The following ERC1 variants were observed in gnomAD, a reference collection of about 807,000 sequenced individuals.
ERC1 encodes the protein ELKS/RAB6-interacting/CAST family member 1.
A neutral mutation model predicts 132.0 loss-of-function variants in ERC1; 56 were observed. The observed-to-expected ratio is 0.42, with a 90% CI of 0.34 to 0.53. The LOEUF is 0.53. Ranked by LOEUF, ERC1 falls within the 20% of genes least tolerant of loss-of-function variation. ERC1 has a pLI of 0.03. For synonymous variants in ERC1, 478 were observed against 476.1 expected (o/e 1.00, Z -0.05); for missense variants, 1,202 against 1,349.9 (o/e 0.89, Z 1.72).
At chr12:1,327,150 A>G (rs1460091249) in intron 15 of ERC1, among the ~76,000 whole-genome samples, 1 of 152,052 alleles carries the variant, frequency 6.6e-6, no homozygotes, top group African/African-American at 2.4e-5. Flanking sequence ...CCTAATTTAC[A>G]AATTACCAAA....
rs1445172838 is a variant in ERC1, at chr12:1,293,490, G to A, written c.2780+3478G>A. ...CAACAACAACAACAATTAGCCAGGCGTGGTGGCGTGCGCCTGTAATCCCAG... is the reference window on the plus strand; with the variant it reads ...CAACAACAACAACAATTAGCCAGGCATGGTGGCGTGCGCCTGTAATCCCAG... On this transcript the variant is annotated intron_variant, in intron 15 of 18. Coordinates refer to ENST00000360905, the MANE Select transcript of ERC1 (RefSeq NM_178040.4). 2.5e-5 allele frequency among the ~76,000 whole-genome samples: 3 copies of A among 120,766 alleles called. 1 individual carries two copies. Among genetic ancestry groups the A allele is most frequent in the East Asian group, 2.1e-4 (1 of 4,698 alleles). 79.2% of individuals were successfully genotyped at this position (120,766 alleles called of 152,430 possible). A position where few individuals can be genotyped will look rare whatever the true frequency, so the allele number is the denominator to read the frequency against.
chr12:1,336,646 G>A (rs1369664255), intron 15 of ERC1, among the ~76,000 whole-genome samples: 5 of 152,110 alleles, frequency 3.3e-5, no homozygotes, highest in Non-Finnish European at 7.4e-5. Flanking sequence ...TGCATTTACT[G>A]AGGAGTATTT....
intron 15 of ERC1, among the ~76,000 whole-genome samples, chr12:1,300,327 T>G (rs944592162): frequency 8.5e-5 from 13 of 152,092 alleles, no homozygotes; most frequent in African/African-American, 3.1e-4. Context: ...CAAAATGGAT[T>G]AAAGACTTAA....
At chr12:1,460,340 A>G (rs1454525687) in intron 18 of ERC1, among the ~76,000 whole-genome samples, 1 of 152,224 alleles carries the variant, frequency 6.6e-6, no homozygotes, top group Admixed American at 6.5e-5. Context: ...ATTAGCCTAA[A>G]TAGCCAACCC....
chr12:1,110,068 C>A, intron 4 of ERC1, 124 bp from the exon 5 acceptor site: 2 of 802,730 alleles, frequency 2.5e-6, no homozygotes, highest in Non-Finnish European at 3.7e-6. Context: ...CACCAATTGC[C>A]AGACAGCATT....
rs1954689813 is a variant in ERC1 at position 1,183,265 on chromosome 12, G to A, written c.2017-16G>A. The A allele has an allele frequency of 2.0e-6, 3 of 1,513,858 alleles. No homozygotes were observed. The highest frequency in any genetic ancestry group is 2.7e-5 in the South Asian group (2 of 73,754). The allele number at this position is 1,513,858 out of a possible 1,614,324, so 93.8% of individuals were successfully genotyped here. A position where few individuals can be genotyped will look rare whatever the true frequency, so the allele number is the denominator to read the frequency against. ...TTTTAAAATTATTTATTCTAGATGT[G>A]TGTTCCTTCTTTTAGGCTTCACTTT... On this transcript the variant is annotated splice_polypyrimidine_tract_variant and intron_variant, in intron 10 of 18. Transcript: ENST00000360905.
intron 1 of ERC1, among the ~76,000 whole-genome samples, chr12:1,015,359 A>G (rs951798926): frequency 3.9e-5 from 6 of 152,054 alleles, no homozygotes; most frequent in African/African-American, 1.4e-4. Flanking sequence ...ATGCCTGGCC[A>G]TTGTTTTTCT....
Position 1,299,395 on chromosome 12 carries a change from C to T in ERC1, c.2780+9383C>T, listed in dbSNP as rs12302616. Among the ~76,000 whole-genome samples the T allele has an allele frequency of 6.8e-3, 1,028 of 152,188 alleles. 11 individuals are homozygous for T. The highest frequency in any genetic ancestry group is 0.024 in the African/African-American group (981 of 41,528). On this transcript the variant is annotated intron_variant, in intron 15 of 18. Transcript: ENST00000360905. ...TAGAAAATGTTTGGAAATTAGATAA[C>T]ATAATTCTAAATACCATGGCTTAGA...
chr12:1,168,497 T>TTG (rs780664554), intron 8 of ERC1, among the ~76,000 whole-genome samples: 27,011 of 141,844 alleles, frequency 0.19, 2,373 homozygotes, highest in Non-Finnish European at 0.23. Flanking sequence ...TTTTTTTTTT[T>TTG]TTTGGAGGAG....
At chr12:1,014,160 A>T (rs1224725362) in intron 1 of ERC1, among the ~76,000 whole-genome samples, 2 of 152,196 alleles carry the variant, frequency 1.3e-5, no homozygotes, top group South Asian at 2.1e-4. Context: ...AATGAGACTT[A>T]AAAAAATGTA....
chr12:1,382,811 GA>G (rs1225470907), intron 16 of ERC1, among the ~76,000 whole-genome samples: 1 of 152,146 alleles, frequency 6.6e-6, no homozygotes, highest in African/African-American at 2.4e-5. Context: ...CTTTTTTTAT[GA>G]AAGTATTATT....
At chr12:1,148,118 G>A (rs566113103) in intron 8 of ERC1, among the ~76,000 whole-genome samples, 48 of 152,154 alleles carry the variant, frequency 3.2e-4, no homozygotes, top group African/African-American at 1.1e-3. Flanking sequence ...AGATATACTG[G>A]TTAGAATTCA....
intron 17 of ERC1, among the ~76,000 whole-genome samples, chr12:1,409,320 C>T (rs751415422): frequency 3.3e-5 from 5 of 152,164 alleles, no homozygotes; most frequent in Admixed American, 6.5e-5. Context: ...CCTTTTCTGC[C>T]TGCTTCCTGA....
At chr12:996,875 A>G (rs987636039) in intron 1 of ERC1, among the ~76,000 whole-genome samples, 12 of 152,326 alleles carry the variant, frequency 7.9e-5, no homozygotes, top group African/African-American at 2.9e-4. Flanking sequence ...AAAATTGCAT[A>G]CATATAAGAA....
At chr12:1,138,050 TTA>T (rs1364124461) in intron 7 of ERC1, among the ~76,000 whole-genome samples, 4 of 117,042 alleles carry the variant, frequency 3.4e-5, no homozygotes, top group Middle Eastern at 4.4e-3. Flanking sequence ...TAAAATACAA[TTA>T]TATATAATTA....
intron 13 of ERC1, among the ~76,000 whole-genome samples, chr12:1,246,830 C>T (rs757648217): frequency 4.6e-5 from 7 of 151,926 alleles, no homozygotes; most frequent in Non-Finnish European, 8.8e-5. Flanking sequence ...GGACATTTTA[C>T]GACATAACTG....
intron 2 of ERC1, among the ~76,000 whole-genome samples, chr12:1,040,126 G>A (rs1282267491): frequency 6.6e-6 from 1 of 152,058 alleles, no homozygotes; most frequent in African/African-American, 2.4e-5. Flanking sequence ...CCTCTGTTGT[G>A]ATAAATTAGG....
At position 1,418,504 on chromosome 12, in the gene ERC1, A is replaced by G. The variant is rs558173063; in HGVS notation, c.3024+10257A>G. Among the ~76,000 whole-genome samples the G allele has an allele frequency of 5.3e-5, 8 of 152,226 alleles. No individual in the cohort carries two copies. In the South Asian group the frequency reaches 1.5e-3, roughly 28 times the overall value. ...ATTAGACCCAATTGTCCTCAAATCA[A>G]TTTCTCCATGACTGTCTCCTCTTCA... On this transcript the variant is annotated intron_variant, in intron 17 of 18. Coordinates refer to ENST00000360905, the MANE Select transcript of ERC1 (RefSeq NM_178040.4).
chr12:994,321 GT>G (rs1006548024), intron 1 of ERC1, among the ~76,000 whole-genome samples: 31 of 150,738 alleles, frequency 2.1e-4, no homozygotes, highest in Admixed American at 1.1e-3. Context: ...AATATAATTT[GT>G]TTTTTTTTCT....
Sources: gnomAD v4.1 joint callset for allele counts (sites outside exome capture counted in the v4.1 genomes callset) on GRCh38, gnomAD v4.1.1 for gene constraint, MANE v1.5 for transcripts, NCBI Gene and HGNC (gene_info 2026-07-23, HGNC 2026-07-21) for gene names.